The following NMNAT2 variants were observed in gnomAD, a reference collection of about 807,000 sequenced individuals.
NMNAT2 encodes the protein nicotinamide nucleotide adenylyltransferase 2, also known as nicotinamide/nicotinic acid mononucleotide adenylyltransferase 2.
A neutral mutation model predicts 41.6 loss-of-function variants in NMNAT2; 11 were observed. The observed-to-expected ratio is 0.26, with a 90% CI of 0.17 to 0.44. The LOEUF (loss-of-function observed/expected upper bound fraction) is 0.44. Among genes scored for constraint, NMNAT2 ranks in the 20% least tolerant of loss-of-function variants. The pLI, the probability that NMNAT2 is intolerant of heterozygous loss-of-function variation, is 1.00. For missense variants in NMNAT2, 288 were observed against 407.7 expected (o/e 0.71, Z 2.53); for synonymous variants, 148 against 151.2 (o/e 0.98, Z 0.16).
chr1:183,410,155 A>G (rs1335694919), intron 1 of NMNAT2, among the ~76,000 whole-genome samples: 1 of 98,826 alleles, frequency 1.0e-5, no homozygotes, highest in Admixed American at 1.1e-4. Context: ...CAAAAATAAT[A>G]CCAAAAAAAA....
At chr1:183,395,617 T>C (rs531747573) in intron 1 of NMNAT2, among the ~76,000 whole-genome samples, 7 of 152,188 alleles carry the variant, frequency 4.6e-5, no homozygotes, top group Middle Eastern at 3.4e-3. Flanking sequence ...GGAGCCATGA[T>C]TTTGCAGGGG....
chr1:183,366,000 C>T (rs1663403427), intron 1 of NMNAT2, among the ~76,000 whole-genome samples: 1 of 152,206 alleles, frequency 6.6e-6, no homozygotes, highest in African/African-American at 2.4e-5. Context: ...GTTTTATCCT[C>T]TTATTTCTTT....
chr1:183,341,730 A>AC (rs1662813572), intron 1 of NMNAT2, among the ~76,000 whole-genome samples: 2 of 130,656 alleles, frequency 1.5e-5, no homozygotes, highest in African/African-American at 6.4e-5. Flanking sequence ...AACACCAAAA[A>AC]AAAAAAAAAA....
At chr1:183,325,753 A>T (rs1662449484) in intron 1 of NMNAT2, among the ~76,000 whole-genome samples, 1 of 152,128 alleles carries the variant, frequency 6.6e-6, no homozygotes. Flanking sequence ...CTCCCCTCAC[A>T]CTCAAACAAT....
At chr1:183,360,754 G>A (rs1663290462) in intron 1 of NMNAT2, among the ~76,000 whole-genome samples, 1 of 152,230 alleles carries the variant, frequency 6.6e-6, no homozygotes, top group South Asian at 2.1e-4. Context: ...GTTGCATATA[G>A]TAGGCTGACT....
intron 1 of NMNAT2, among the ~76,000 whole-genome samples, chr1:183,308,893 G>A (rs1413470773): frequency 6.6e-6 from 1 of 152,222 alleles, no homozygotes; most frequent in African/African-American, 2.4e-5. Flanking sequence ...AGCCCCTGAG[G>A]TGGGAGAGCT....
At chr1:183,379,936 A>G (rs188869682) in intron 1 of NMNAT2, among the ~76,000 whole-genome samples, 41 of 152,384 alleles carry the variant, frequency 2.7e-4, no homozygotes, top group African/African-American at 9.9e-4. Flanking sequence ...GAAGCTGTGC[A>G]CTTGAATCAT....
chr1:183,410,786 T>C (rs915481145), intron 1 of NMNAT2, among the ~76,000 whole-genome samples: 1 of 151,834 alleles, frequency 6.6e-6, no homozygotes, highest in Non-Finnish European at 1.5e-5. Context: ...TCTTGCTTTG[T>C]TGCCCAGTCT....
chr1:183,402,609 CAATA>C (rs1293993026), intron 1 of NMNAT2, among the ~76,000 whole-genome samples: 4 of 152,114 alleles, frequency 2.6e-5, no homozygotes, highest in African/African-American at 9.7e-5. Flanking sequence ...TTGACATGCT[CAATA>C]AATATTAGTT....
At chr1:183,288,711 A>G (rs1661457506) in intron 4 of NMNAT2, among the ~76,000 whole-genome samples, 1 of 152,334 alleles carries the variant, frequency 6.6e-6, no homozygotes, top group African/African-American at 2.4e-5. Flanking sequence ...TCCCCAGGTG[A>G]CATGTAGTGT....
chr1:183,314,542 TG>T (rs1441957886), intron 1 of NMNAT2, among the ~76,000 whole-genome samples: 1 of 152,260 alleles, frequency 6.6e-6, no homozygotes, highest in East Asian at 1.9e-4. Flanking sequence ...TACTGTTTGT[TG>T]GGTTAAACTG....
intron 10 of NMNAT2, among the ~76,000 whole-genome samples, chr1:183,259,451 CCT>C (rs1558107558): frequency 2.0e-5 from 3 of 152,108 alleles, no homozygotes; most frequent in Non-Finnish European, 1.5e-5. Flanking sequence ...ATCTTTGTCC[CCT>C]CTCTCACCTT....
intron 1 of NMNAT2, among the ~76,000 whole-genome samples, chr1:183,366,902 T>A (rs1287922007): frequency 6.6e-6 from 1 of 152,174 alleles, no homozygotes; most frequent in Non-Finnish European, 1.5e-5. Context: ...TGTCAACATC[T>A]TCTCAGACAT....
At chr1:183,374,916 T>C (rs990833590) in intron 1 of NMNAT2, among the ~76,000 whole-genome samples, 2 of 152,196 alleles carry the variant, frequency 1.3e-5, no homozygotes, top group Non-Finnish European at 2.9e-5. Context: ...TCCCTAGGAA[T>C]AGGATGTGTG....
chr1:183,352,148 G>T (rs1663072292), intron 1 of NMNAT2, among the ~76,000 whole-genome samples: 2 of 152,126 alleles, frequency 1.3e-5, no homozygotes, highest in South Asian at 2.1e-4. Flanking sequence ...CTCATCAGGG[G>T]TTTCTCTTCA....
intron 1 of NMNAT2, chr1:183,304,614 A>T: frequency 1.2e-5 from 18 of 1,484,408 alleles, no homozygotes; most frequent in Non-Finnish European, 1.6e-5. Flanking sequence ...GACCATCTGC[A>T]CCTCCCTCCA....
chr1:183,387,438 A>G (rs1648278220), intron 1 of NMNAT2, among the ~76,000 whole-genome samples: 1 of 152,200 alleles, frequency 6.6e-6, no homozygotes, highest in Non-Finnish European at 1.5e-5. Context: ...ACAGCCACAC[A>G]TCTACTTTAT....
At chr1:183,354,226 G>A (rs933031696) in intron 1 of NMNAT2, among the ~76,000 whole-genome samples, 8 of 152,042 alleles carry the variant, frequency 5.3e-5, no homozygotes, top group African/African-American at 1.9e-4. Context: ...AGTGGATATA[G>A]TCTGGCTTGA....
chr1:183,389,305 T>C (rs1819628), intron 1 of NMNAT2, among the ~76,000 whole-genome samples: 108,732 of 152,080 alleles, frequency 0.71, 39,042 homozygotes, highest in East Asian at 0.91. Context: ...AACACATTCC[T>C]TTGGGATCCA....
Sources: gnomAD v4.1 joint callset for allele counts (sites outside exome capture counted in the v4.1 genomes callset) on GRCh38, gnomAD v4.1.1 for gene constraint, MANE v1.5 for transcripts, NCBI Gene and HGNC (gene_info 2026-07-23, HGNC 2026-07-21) for gene names.